Variants in SFSWAP observed in about 807,000 individuals in gnomAD.
The protein encoded by SFSWAP is splicing factor, suppressor of white-apricot homolog.
Under a neutral mutation model 100.7 loss-of-function variants are expected in SFSWAP, and 17 were observed. The ratio of observed to expected loss-of-function variants is 0.17; its 90% CI spans 0.12 to 0.25. SFSWAP has a LOEUF of 0.25. SFSWAP is among the 10% of genes least tolerant of loss of function. SFSWAP has a pLI of 1.00. For synonymous variants in SFSWAP, 504 were observed against 510.1 expected (o/e 0.99, Z 0.16); for missense variants, 1,005 against 1,262.6 (o/e 0.80, Z 3.09).
intron 7 of SFSWAP, among the ~76,000 whole-genome samples, chr12:131,751,126 C>A (rs946997490): frequency 6.6e-6 from 1 of 152,102 alleles, no homozygotes. Flanking sequence ...TAACAGTCTG[C>A]GTGTTCTTTA....
At chr12:131,713,988 A>G in intron 1 of SFSWAP, 83 bp from the exon 2 acceptor site, 1 of 910,934 alleles carries the variant, frequency 1.1e-6, no homozygotes, top group Non-Finnish European at 1.7e-6. Flanking sequence ...GTGTGTATAT[A>G]TATATACATA....
In SFSWAP at chr12:131,734,831, G is replaced by A. The variant is rs1879847816; in HGVS notation, c.1081+6403G>A. Among the ~76,000 whole-genome samples the A allele has an allele frequency of 6.6e-6, 1 of 151,738 alleles. No homozygotes were observed. The highest frequency in any genetic ancestry group is 2.4e-5 in the African/African-American group (1 of 41,306). On this transcript the variant is annotated intron_variant, in intron 7 of 17. Transcript: ENST00000261674. The surrounding 1 kb of genome is among the most constrained non-coding windows in gnomAD (Gnocchi z 4.9). ...TCTACGTACGCTCGTGTATGCTGAG[G>A]AGCAGGCATTGGAACATGACGGAGC...
At chr12:131,750,119 C>T (rs1294459276) in intron 7 of SFSWAP, among the ~76,000 whole-genome samples, 1 of 152,204 alleles carries the variant, frequency 6.6e-6, no homozygotes, top group African/African-American at 2.4e-5. Context: ...GTCCTGCCTC[C>T]CACCAGGGCC....
chr12:131,784,275 A>C (rs1006822013), intron 14 of SFSWAP: 1 of 152,286 alleles, frequency 6.6e-6, no homozygotes, highest in African/African-American at 2.4e-5. Context: ...TCCAGTTTCA[A>C]CTTGAGGAAA....
chr12:131,747,019 G>A lies in SFSWAP; in HGVS notation c.1082-6104G>A, dbSNP rs190057302. Among the ~76,000 whole-genome samples the A allele has an allele frequency of 1.2e-3, 181 of 151,488 alleles. 1 individual carries two copies. Among genetic ancestry groups the A allele is most frequent in the Non-Finnish European group, 1.9e-3 (127 of 67,918 alleles). ...CTCGGGAGGCTGAAGCAGGAGAATG[G>A]CATCAACCCGGGAGGCAGAGCTTGC... On this transcript the variant is annotated intron_variant, in intron 7 of 17. Transcript: ENST00000261674.
At chr12:131,775,448 C>T (rs1039939129) in intron 13 of SFSWAP, among the ~76,000 whole-genome samples, 10 of 152,184 alleles carry the variant, frequency 6.6e-5, no homozygotes, top group Non-Finnish European at 8.8e-5. Flanking sequence ...GCGTGTGCTC[C>T]TGATGTAGAG....
chr12:131,741,432 T>A (rs902768242), intron 7 of SFSWAP, among the ~76,000 whole-genome samples: 2 of 151,828 alleles, frequency 1.3e-5, no homozygotes, highest in African/African-American at 4.8e-5. Flanking sequence ...GCTCAGGAGG[T>A]CAAGACCAGG....
chr12:131,759,931 T>G (rs1333337081), intron 11 of SFSWAP, among the ~76,000 whole-genome samples: 1 of 152,240 alleles, frequency 6.6e-6, no homozygotes, highest in African/African-American at 2.4e-5. Context: ...TGAGTGGCTT[T>G]CTCAGATGCC....
At chr12:131,754,636 T>TG in intron 9 of SFSWAP, 137 bp downstream of exon 9, 7 of 492,780 alleles carry the variant, frequency 1.4e-5, no homozygotes, top group Non-Finnish European at 1.2e-5. Flanking sequence ...TCTTTTTTTT[T>TG]TTTTTTTTTT....
chr12:131,732,524 T>C (rs1879608854), intron 7 of SFSWAP, among the ~76,000 whole-genome samples: 1 of 152,192 alleles, frequency 6.6e-6, no homozygotes, highest in African/African-American at 2.4e-5. Flanking sequence ...CCCCTTTCTG[T>C]CTTGGGCACA....
chr12:131,785,188 T>C (rs1370814365), intron 14 of SFSWAP: 2 of 1,535,502 alleles, frequency 1.3e-6, no homozygotes, highest in South Asian at 1.2e-5. Context: ...CAGATTTGAC[T>C]CCGCGAGCTC....
At chr12:131,721,026 C>T (rs868140429) in intron 4 of SFSWAP, among the ~76,000 whole-genome samples, 6 of 152,056 alleles carry the variant, frequency 3.9e-5, no homozygotes, top group East Asian at 1.9e-4. Context: ...ATAGTCATGG[C>T]GGAAGGTGAG....
chr12:131,746,284 G>C (rs1881092228), intron 7 of SFSWAP, among the ~76,000 whole-genome samples: 1 of 152,322 alleles, frequency 6.6e-6, no homozygotes, highest in South Asian at 2.1e-4. Context: ...TTCTCAGATG[G>C]AGCTGTGCCG....
At chr12:131,753,416 C>T in intron 8 of SFSWAP, 53 bp downstream of exon 8, 1 of 1,555,894 alleles carries the variant, frequency 6.4e-7, no homozygotes, top group Non-Finnish European at 8.7e-7. Context: ...GCACTGCAGT[C>T]ACTGGGGCCG....
intron 15 of SFSWAP, chr12:131,796,025 AGGG>A (rs1885640035): frequency 1.5e-3 from 2 of 1,318 alleles, no homozygotes; most frequent in Admixed American, 9.1e-3. Flanking sequence ...GGAGAGGGGG[AGGG>A]GAGGGGAGGG....
At position 131,778,479 on chromosome 12, in the gene SFSWAP, C is replaced by G; in HGVS notation, c.2408+149C>G. 1 of 1,253,414 alleles carries G rather than the reference C, an allele frequency of 8.0e-7. No homozygotes were observed. The highest frequency in any genetic ancestry group is 1.1e-6 in the Non-Finnish European group (1 of 921,516). The allele number at this position is 1,253,414 out of a possible 1,614,324, so 77.6% of individuals were successfully genotyped here. ...GCATGTGCATGTGTGCCCTGCAAGT[C>G]CAAGTAAGATCTTTTTCAGATTTTT... On this transcript the variant is annotated intron_variant, in intron 14 of 17. Transcript: ENST00000261674. The surrounding 1 kb of genome is among the most constrained non-coding windows in gnomAD (Gnocchi z 4.2).
intron 15 of SFSWAP, among the ~76,000 whole-genome samples, chr12:131,795,556 G>T (rs1159103993): frequency 1.3e-5 from 2 of 152,132 alleles, no homozygotes; most frequent in African/African-American, 4.8e-5. Flanking sequence ...TCTGAGCACA[G>T]CCCCAGCCAT....
chr12:131,797,503 CTA>C (rs1885771719), intron 16 of SFSWAP, 143 bp downstream of exon 16: 15 of 720,098 alleles, frequency 2.1e-5, no homozygotes, highest in Non-Finnish European at 3.1e-5. Context: ...CGCACCCCCT[CTA>C]GCAAGGAAGT....
intron 9 of SFSWAP, among the ~76,000 whole-genome samples, chr12:131,755,159 T>C (rs1484851253): frequency 6.6e-6 from 1 of 152,170 alleles, no homozygotes; most frequent in Non-Finnish European, 1.5e-5. Flanking sequence ...TCAGTACTAA[T>C]AAAACGTAAA....
Sources: gnomAD v4.1 joint callset for allele counts (sites outside exome capture counted in the v4.1 genomes callset) on GRCh38, gnomAD v4.1.1 for gene constraint, Gnocchi (gnomAD v3.1) non-coding constraint, MANE v1.5 for transcripts, NCBI Gene and HGNC (gene_info 2026-07-23, HGNC 2026-07-21) for gene names.